RFX3: variants seen among roughly 807,000 people sequenced by gnomAD.
The protein encoded by RFX3 is transcription factor RFX3.
RFX3 carries 14 observed loss-of-function variants against 98.6 expected under a neutral mutation model. That is an observed-to-expected ratio of 0.14 (90% confidence interval 0.09 to 0.22). The LOEUF (loss-of-function observed/expected upper bound fraction) is 0.22. RFX3 is among the 10% of genes least tolerant of loss of function. RFX3 has a pLI of 1.00. For missense variants in RFX3, 639 were observed against 926.9 expected, an observed-to-expected ratio of 0.69 and a Z score of 4.03; for synonymous variants, 383 against 328.4, an observed-to-expected ratio of 1.17 and a Z score of -1.80.
At chr9:3,323,368 A>G (rs1010044839) in intron 4 of RFX3, among the ~76,000 whole-genome samples, 1 of 152,220 alleles carries the variant, frequency 6.6e-6, no homozygotes, top group African/African-American at 2.4e-5. Context: ...ACTACAATGT[A>G]TTAATATTTT....
At chr9:3,471,730 G>A (rs1235864836) in intron 1 of RFX3, among the ~76,000 whole-genome samples, 5 of 152,150 alleles carry the variant, frequency 3.3e-5, no homozygotes, top group African/African-American at 1.2e-4. Flanking sequence ...TCCCAGCAAG[G>A]GGGAAAAAGG....
chr9:3,523,956 T>A lies in RFX3; in HGVS notation c.-9+1791A>T, dbSNP rs143357963. Among the ~76,000 whole-genome samples, 16 of 152,330 alleles carry A rather than the reference T, an allele frequency of 1.1e-4. No individual in the cohort carries two copies. The East Asian group carries it at 3.1e-3, about 29-fold the overall frequency. On this transcript the variant is annotated intron_variant, in intron 1 of 16. Transcript: ENST00000617270. ...TTTTTTAAAATCCCAACTCTTATTT[T>A]ACAAAATATTAGCCTTAATAGCATT... is the stretch of plus-strand genomic sequence containing the variant.
At position 3,279,660 on chromosome 9, in the gene RFX3, T is replaced by C. The variant is rs192177390; in HGVS notation, c.852-2199A>G. ...AGACTGTAAGTTTTCAAAAGACAGA[T>C]GTTACATCACAATCTAACTGCGCAC... On this transcript the variant is annotated intron_variant, in intron 7 of 16. Transcript: ENST00000617270. 4.6e-3 allele frequency among the ~76,000 whole-genome samples: 694 copies of C among 151,980 alleles called. 5 individuals are homozygous for C. Among genetic ancestry groups the C allele is most frequent in the Admixed American group, 8.2e-3 (125 of 15,206 alleles).
At chr9:3,359,848 T>C (rs1836203451) in intron 2 of RFX3, among the ~76,000 whole-genome samples, 1 of 152,206 alleles carries the variant, frequency 6.6e-6, no homozygotes. Flanking sequence ...TAAAGTTGCA[T>C]GCTATTTTCT....
Position 3,270,462 on chromosome 9 carries a change from C to A in RFX3, c.1266G>T (p.Glu422Asp). Residue 422 changes from glutamate to aspartate, a missense_variant, in exon 11 of 17, where the codon GAG becomes GAT. Coordinates refer to ENST00000617270, the MANE Select transcript of RFX3 (RefSeq NM_001282116.2). ...KAKLITLCKH[E>D]SILKWMCNCD... ...AGTTACACATCCATTTCAGGATAGA[C>A]TCATGTTTGCACAGAGTTATCAGCT... 6.2e-7 allele frequency: 1 copy of A among 1,613,810 alleles called. No individual in the cohort carries two copies. Among genetic ancestry groups the A allele is most frequent in the Non-Finnish European group, 8.5e-7 (1 of 1,179,824 alleles).
chr9:3,525,849 G>T lies in RFX3; in HGVS notation c.-111C>A. Reference sequence around the variant, plus strand: ...GAGGAGGAGGAGAGGAGTAGTTGTTGTTGATGGGTAACAGTCGCCAGGACT... The same window carrying T: ...GAGGAGGAGGAGAGGAGTAGTTGTTTTTGATGGGTAACAGTCGCCAGGACT... On this transcript the variant is annotated 5_prime_UTR_variant, in exon 1 of 17. Transcript: ENST00000617270. The T allele has an allele frequency of 1.0e-6, 1 of 984,886 alleles. No homozygotes were observed. Among genetic ancestry groups the T allele is most frequent in the Non-Finnish European group, 1.2e-6 (1 of 828,964 alleles). The allele number at this position is 984,886 out of a possible 1,614,324, so 61.0% of individuals were successfully genotyped here. A position where few individuals can be genotyped will look rare whatever the true frequency, so the allele number is the denominator to read the frequency against.
At chr9:3,299,439 G>A (rs1005583497) in intron 5 of RFX3, among the ~76,000 whole-genome samples, 7 of 151,608 alleles carry the variant, frequency 4.6e-5, no homozygotes, top group Non-Finnish European at 7.4e-5. Context: ...TAAACCATCC[G>A]TAGAATCATT....
intron 4 of RFX3, among the ~76,000 whole-genome samples, chr9:3,319,703 G>C (rs1420926674): frequency 6.6e-6 from 1 of 152,114 alleles, no homozygotes; most frequent in Non-Finnish European, 1.5e-5. Flanking sequence ...GAGGCTATTT[G>C]TGAATTTGTA....
At chr9:3,377,955 G>C (rs1418035630) in intron 2 of RFX3, among the ~76,000 whole-genome samples, 1 of 152,068 alleles carries the variant, frequency 6.6e-6, no homozygotes, top group Admixed American at 6.5e-5. Flanking sequence ...TTATATACAT[G>C]TTCTAGTGTA....
At chr9:3,395,053 C>A (rs902467665) in intron 2 of RFX3, among the ~76,000 whole-genome samples, 49 of 152,134 alleles carry the variant, frequency 3.2e-4, no homozygotes, top group Non-Finnish European at 2.9e-5. Flanking sequence ...AAAATCCCTG[C>A]CTGGAAGGTG....
chr9:3,235,461 G>T (rs1819019654), intron 15 of RFX3, among the ~76,000 whole-genome samples: 2 of 152,188 alleles, frequency 1.3e-5, no homozygotes, highest in East Asian at 3.9e-4. Context: ...CATACCTATT[G>T]CTGCTGCAAC....
At chr9:3,399,318 C>T (rs961043308) in intron 1 of RFX3, among the ~76,000 whole-genome samples, 2 of 151,172 alleles carry the variant, frequency 1.3e-5, no homozygotes, top group Non-Finnish European at 2.9e-5. Context: ...GTGGTGGGCA[C>T]CTGTAATCCC....
intron 1 of RFX3, among the ~76,000 whole-genome samples, chr9:3,398,396 A>G (rs1841118096): frequency 6.6e-6 from 1 of 152,170 alleles, no homozygotes; most frequent in South Asian, 2.1e-4. Context: ...GATTTATTAC[A>G]CATTTATATG....
At chr9:3,429,916 C>A (rs1405048979) in intron 1 of RFX3, among the ~76,000 whole-genome samples, 1 of 152,176 alleles carries the variant, frequency 6.6e-6, no homozygotes, top group East Asian at 1.9e-4. Context: ...GCTTCCAACC[C>A]ACGGCCCACT....
At chr9:3,239,477 T>G (rs957227367) in intron 15 of RFX3, among the ~76,000 whole-genome samples, 1 of 152,256 alleles carries the variant, frequency 6.6e-6, no homozygotes, top group Non-Finnish European at 1.5e-5. Flanking sequence ...TGTGTGCTAC[T>G]GGCCAATCTG....
At chr9:3,421,196 G>T (rs148622785) in intron 1 of RFX3, among the ~76,000 whole-genome samples, 6 of 152,104 alleles carry the variant, frequency 3.9e-5, no homozygotes. Context: ...AACCTCTAAA[G>T]AACTACTCAG....
At chr9:3,396,128 T>A (rs1840841724) in intron 1 of RFX3, among the ~76,000 whole-genome samples, 1 of 152,034 alleles carries the variant, frequency 6.6e-6, no homozygotes, top group Non-Finnish European at 1.5e-5. Flanking sequence ...CATGTTGGTG[T>A]GCTATACCCA....
intron 2 of RFX3, among the ~76,000 whole-genome samples, chr9:3,355,502 A>G (rs889757100): frequency 1.3e-5 from 2 of 152,016 alleles, no homozygotes; most frequent in East Asian, 3.9e-4. Flanking sequence ...GAAATAATAA[A>G]TCCTACATGT....
chr9:3,523,795 A>T (rs1818952630), intron 1 of RFX3, among the ~76,000 whole-genome samples: 1 of 152,194 alleles, frequency 6.6e-6, no homozygotes, highest in South Asian at 2.1e-4. Context: ...TTAGTATTAG[A>T]GATTTGCATG....
Sources: allele counts gnomAD v4.1 joint callset (sites outside exome capture counted in the v4.1 genomes callset), GRCh38; gene constraint gnomAD v4.1.1; transcripts MANE v1.5; gene names NCBI Gene and HGNC (gene_info 2026-07-23, HGNC 2026-07-21).